Variants in CAB39 observed in about 807,000 individuals in gnomAD.
CAB39 encodes the protein calcium-binding protein 39.
Under a neutral mutation model 40.0 loss-of-function variants are expected in CAB39, and 8 were observed. The observed-to-expected ratio is 0.20, with a 90% CI of 0.12 to 0.36. The LOEUF is 0.36. CAB39 is among the 10% of genes least tolerant of loss of function. The pLI is 1.00. For missense variants in CAB39, 270 were observed against 401.1 expected (o/e 0.67, Z 2.79); for synonymous variants, 156 against 141.6 (o/e 1.10, Z -0.72).
intron 1 of CAB39, among the ~76,000 whole-genome samples, chr2:230,758,172 C>T (rs1575925703): frequency 6.6e-6 from 1 of 151,860 alleles, no homozygotes; most frequent in Admixed American, 6.6e-5. Context: ...TGGTGCACAC[C>T]TATAGTCCCA....
At chr2:230,760,732 G>T (rs932797496) in intron 2 of CAB39, among the ~76,000 whole-genome samples, 1 of 152,158 alleles carries the variant, frequency 6.6e-6, no homozygotes, top group African/African-American at 2.4e-5. Flanking sequence ...AGTCACCACA[G>T]TCCAAAACCC....
At chr2:230,794,689 C>T (rs1228281221) in intron 4 of CAB39, among the ~76,000 whole-genome samples, 2 of 152,108 alleles carry the variant, frequency 1.3e-5, no homozygotes, top group East Asian at 1.9e-4. Flanking sequence ...CCGGAAGCCC[C>T]GCCCACCTCC....
chr2:230,734,642 G>T (rs1190458213), intron 1 of CAB39, among the ~76,000 whole-genome samples: 3 of 152,258 alleles, frequency 2.0e-5, no homozygotes, highest in East Asian at 3.9e-4. Flanking sequence ...TAGACTTCTT[G>T]GTTATTTGAC....
At chr2:230,794,816 C>T (rs951187391) in intron 4 of CAB39, among the ~76,000 whole-genome samples, 1 of 145,590 alleles carries the variant, frequency 6.9e-6, no homozygotes, top group Non-Finnish European at 1.5e-5. Flanking sequence ...TAGTCCTTGC[C>T]CCCTTTTTCC....
At chr2:230,731,730 AG>A (rs35792241) in intron 1 of CAB39, among the ~76,000 whole-genome samples, 1 of 152,178 alleles carries the variant, frequency 6.6e-6, no homozygotes, top group Non-Finnish European at 1.5e-5. Flanking sequence ...AACTGGCCTT[AG>A]GCAATTCTCC....
chr2:230,759,630 G>A (rs1164302828), intron 1 of CAB39, among the ~76,000 whole-genome samples: 2 of 152,226 alleles, frequency 1.3e-5, no homozygotes, highest in Non-Finnish European at 2.9e-5. Context: ...AGGCCTGGCA[G>A]TAGCAGTTGC....
At chr2:230,802,831 A>T (rs1160686099) in intron 5 of CAB39, among the ~76,000 whole-genome samples, 1 of 152,200 alleles carries the variant, frequency 6.6e-6, no homozygotes. Context: ...CCAGAGGTAC[A>T]AGGAGAAGCT....
At chr2:230,733,121 CA>C (rs1694724322) in intron 1 of CAB39, among the ~76,000 whole-genome samples, 3 of 152,254 alleles carry the variant, frequency 2.0e-5, no homozygotes, top group Middle Eastern at 6.8e-3. Context: ...ATAGGGGAGT[CA>C]AAATAGTCAC....
intron 1 of CAB39, among the ~76,000 whole-genome samples, chr2:230,747,355 G>A (rs969219011): frequency 6.6e-6 from 1 of 152,260 alleles, no homozygotes; most frequent in Non-Finnish European, 1.5e-5. Flanking sequence ...ACGGAGAGAA[G>A]GGGAGAGGAG....
chr2:230,776,908 C>T (rs1301249449), intron 2 of CAB39, among the ~76,000 whole-genome samples: 1 of 152,092 alleles, frequency 6.6e-6, no homozygotes, highest in Non-Finnish European at 1.5e-5. Context: ...AGGATGGTCT[C>T]GATCTCCTGA....
intron 5 of CAB39, among the ~76,000 whole-genome samples, chr2:230,800,239 T>TA (rs1379844345): frequency 6.6e-6 from 1 of 152,014 alleles, no homozygotes; most frequent in African/African-American, 2.4e-5. Flanking sequence ...ATGAATGCCC[T>TA]AAAGATAGGA....
rs1695280282 is a variant in CAB39 at position 230,761,001 on chromosome 2, G to T, written c.114+886G>T. ...TGATCTTTATTTCTCTAAGTAAATTGTAGAGGTTTAGTGTCACTTATCCAA... is the reference window on the plus strand; with the variant it reads ...TGATCTTTATTTCTCTAAGTAAATTTTAGAGGTTTAGTGTCACTTATCCAA... On this transcript the variant is annotated intron_variant, in intron 2 of 8. Transcript: ENST00000258418. 4.0e-5 allele frequency among the ~76,000 whole-genome samples: 6 copies of T among 151,230 alleles called. No homozygotes were observed. The South Asian group carries it at 1.3e-3, about 32-fold the overall frequency.
At chr2:230,780,478 T>C (rs1695668087) in intron 2 of CAB39, among the ~76,000 whole-genome samples, 1 of 152,234 alleles carries the variant, frequency 6.6e-6, no homozygotes, top group Admixed American at 6.5e-5. Context: ...AGTCGTAACA[T>C]CTCCCTAGGT....
At chr2:230,736,005 A>T (rs1157270927) in intron 1 of CAB39, among the ~76,000 whole-genome samples, 1 of 152,176 alleles carries the variant, frequency 6.6e-6, no homozygotes, top group Non-Finnish European at 1.5e-5. Context: ...GAGATGGAAG[A>T]GTTATGCCGA....
chr2:230,734,294 C>T (rs1429878167), intron 1 of CAB39, among the ~76,000 whole-genome samples: 1 of 152,174 alleles, frequency 6.6e-6, no homozygotes, highest in African/African-American at 2.4e-5. Context: ...GATCTCTGTG[C>T]AGACTAGTTT....
intron 1 of CAB39, among the ~76,000 whole-genome samples, chr2:230,745,960 T>C (rs1471960850): frequency 1.3e-5 from 2 of 152,168 alleles, no homozygotes; most frequent in Non-Finnish European, 2.9e-5. Flanking sequence ...TTTTTAAGGA[T>C]GGGGCATTCA....
rs554305509 is a variant in CAB39 at position 230,719,274 on chromosome 2, T to G, written c.-44+6044T>G. 6.6e-5 allele frequency among the ~76,000 whole-genome samples: 10 copies of G among 152,308 alleles called. No individual in the cohort carries two copies. In the South Asian group the frequency reaches 1.2e-3, roughly 19 times the overall value. The stretch of plus-strand genomic sequence containing the variant: ...ATGGGAAACCAAAGTGGAGGGTTTG[T>G]CCAGGATAACACAAACATTGCACAG... On this transcript the variant is annotated intron_variant, in intron 1 of 8. Transcript: ENST00000258418.
At chr2:230,766,311 A>G (rs1420924836) in intron 2 of CAB39, among the ~76,000 whole-genome samples, 4 of 152,252 alleles carry the variant, frequency 2.6e-5, no homozygotes, top group Non-Finnish European at 4.4e-5. Flanking sequence ...AAATTATTGT[A>G]GAGGTATTTA....
intron 5 of CAB39, among the ~76,000 whole-genome samples, chr2:230,799,726 C>T (rs1178359878): frequency 2.6e-5 from 4 of 152,194 alleles, no homozygotes; most frequent in Non-Finnish European, 5.9e-5. Flanking sequence ...CGCAGTGGCT[C>T]GTGCCTGTAA....
Sources: gnomAD v4.1 joint callset for allele counts (sites outside exome capture counted in the v4.1 genomes callset) on GRCh38, gnomAD v4.1.1 for gene constraint, MANE v1.5 for transcripts, NCBI Gene and HGNC (gene_info 2026-07-23, HGNC 2026-07-21) for gene names.